The following LRP1B variants were observed in gnomAD, a reference collection of about 807,000 sequenced individuals.
LRP1B encodes the protein low-density lipoprotein receptor-related protein 1B.
Under a neutral mutation model 556.6 loss-of-function variants are expected in LRP1B, and 217 were observed. The observed-to-expected ratio is 0.39, with a 90% CI of 0.35 to 0.44. LRP1B has a LOEUF of 0.44. Among genes scored for constraint, LRP1B ranks in the 20% least tolerant of loss-of-function variants. The pLI is 1.00. For synonymous variants in LRP1B, 2,047 were observed against 1,865.8 expected, an observed-to-expected ratio of 1.10 and a Z score of -2.50; for missense variants, 5,053 against 5,620.8, an observed-to-expected ratio of 0.90 and a Z score of 3.23.
At chr2:140,502,486 T>G (rs1388452746) in intron 54 of LRP1B, among the ~76,000 whole-genome samples, 1 of 151,968 alleles carries the variant, frequency 6.6e-6, no homozygotes, top group Non-Finnish European at 1.5e-5. Context: ...TATTCTGTAA[T>G]ATGTGATTAT....
intron 21 of LRP1B, among the ~76,000 whole-genome samples, chr2:140,918,602 T>G (rs1419206373): frequency 6.6e-6 from 1 of 152,092 alleles, no homozygotes; most frequent in Non-Finnish European, 1.5e-5. Flanking sequence ...AATCAACTGA[T>G]GTCGAAAGAA....
chr2:140,793,266 A>G (rs933180684), intron 32 of LRP1B, among the ~76,000 whole-genome samples: 3 of 151,982 alleles, frequency 2.0e-5, no homozygotes, highest in African/African-American at 7.2e-5. Context: ...TATGACTTCG[A>G]CTTTGATTTT....
chr2:140,851,583 T>A (rs1476040871), intron 28 of LRP1B, 69 bp downstream of exon 28: 1 of 1,547,102 alleles, frequency 6.5e-7, no homozygotes, highest in Non-Finnish European at 8.7e-7. Flanking sequence ...GAGTAAAATC[T>A]GAATGCTAAT....
chr2:141,055,343 A>G (rs1053100072), intron 9 of LRP1B, 84 bp from the exon 10 acceptor site: 17 of 1,468,862 alleles, frequency 1.2e-5, no homozygotes, highest in Admixed American at 6.5e-5. Flanking sequence ...AAATTTCTAT[A>G]GTGTAAAAAC....
intron 1 of LRP1B, among the ~76,000 whole-genome samples, chr2:142,063,974 C>T (rs552931460): frequency 4.0e-5 from 6 of 151,646 alleles, no homozygotes; most frequent in Non-Finnish European, 4.4e-5. Context: ...TACAATGATG[C>T]TTTTTGAGGC....
At chr2:141,851,085 G>C (rs1199098376) in intron 1 of LRP1B, among the ~76,000 whole-genome samples, 1 of 148,232 alleles carries the variant, frequency 6.7e-6, no homozygotes, top group Non-Finnish European at 1.5e-5. Flanking sequence ...TTAACTGGGT[G>C]ACTTGAATTC....
At chr2:140,607,512 C>T (rs758914637) in intron 41 of LRP1B, among the ~76,000 whole-genome samples, 1 of 151,952 alleles carries the variant, frequency 6.6e-6, no homozygotes, top group Non-Finnish European at 1.5e-5. Flanking sequence ...AAAGAAGAAA[C>T]AGCCCAGATG....
At chr2:141,376,374 G>C (rs560537923) in intron 3 of LRP1B, among the ~76,000 whole-genome samples, 1 of 152,154 alleles carries the variant, frequency 6.6e-6, no homozygotes, top group African/African-American at 2.4e-5. Flanking sequence ...CAGGAGGATC[G>C]CCTGACTGTC....
chr2:140,475,102 G>A (rs2105347463), intron 60 of LRP1B, 36 bp downstream of exon 60: 5 of 1,076,006 alleles, frequency 4.6e-6, no homozygotes, highest in Non-Finnish European at 6.4e-6. Flanking sequence ...TTTATGACCT[G>A]GTAAAATACT....
At chr2:140,330,427 C>T (rs911682178) in intron 79 of LRP1B, among the ~76,000 whole-genome samples, 5 of 151,718 alleles carry the variant, frequency 3.3e-5, no homozygotes, top group African/African-American at 9.7e-5. Flanking sequence ...TGCACATTTA[C>T]AACCATCTGA....
intron 84 of LRP1B, among the ~76,000 whole-genome samples, chr2:140,293,820 A>T (rs1053223314): frequency 2.6e-5 from 4 of 152,200 alleles, no homozygotes; most frequent in Non-Finnish European, 4.4e-5. Flanking sequence ...ATCTTGATCA[A>T]CAACTCCTGG....
intron 23 of LRP1B, among the ~76,000 whole-genome samples, chr2:140,891,120 G>C (rs566234599): frequency 6.6e-6 from 1 of 152,180 alleles, no homozygotes; most frequent in Admixed American, 6.5e-5. Flanking sequence ...TAAGAGATGA[G>C]ATATGTACAA....
In LRP1B at chr2:140,487,611, A is replaced by G. The variant is rs1169723099; in HGVS notation, c.9243+6T>C. Reference sequence around the variant, plus strand: ...CAACAATCCCATCATTGTAATATTTAGTTACCTTAATGTCACTTCCATTTA... The same window carrying G: ...CAACAATCCCATCATTGTAATATTTGGTTACCTTAATGTCACTTCCATTTA... On this transcript the variant is annotated splice_donor_region_variant and intron_variant, in intron 58 of 90. Coordinates refer to ENST00000389484, the MANE Select transcript of LRP1B (RefSeq NM_018557.3). 6.2e-7 allele frequency: 1 copy of G among 1,605,632 alleles called. No homozygotes were observed. The highest frequency in any genetic ancestry group is 8.5e-7 in the Non-Finnish European group (1 of 1,174,340).
At chr2:141,730,056 C>T (rs970634672) in intron 2 of LRP1B, among the ~76,000 whole-genome samples, 10 of 152,142 alleles carry the variant, frequency 6.6e-5, no homozygotes, top group African/African-American at 1.9e-4. Context: ...AACTGTCTCA[C>T]GGAACTGTGG....
intron 41 of LRP1B, among the ~76,000 whole-genome samples, chr2:140,636,528 G>A (rs1684076102): frequency 6.6e-6 from 1 of 152,076 alleles, no homozygotes; most frequent in Non-Finnish European, 1.5e-5. Flanking sequence ...AGTCATGGTG[G>A]AAGGTAGTAA....
chr2:140,761,612 G>A (rs1270965259), intron 35 of LRP1B, among the ~76,000 whole-genome samples: 1 of 152,106 alleles, frequency 6.6e-6, no homozygotes, highest in East Asian at 1.9e-4. Flanking sequence ...AGGCCCACAT[G>A]ACAAAGAACT....
At position 140,234,886 on chromosome 2, in the gene LRP1B, T is replaced by A; in HGVS notation, c.13561-2A>T. 1.3e-6 allele frequency: 1 copy of A among 771,476 alleles called. No individual in the cohort carries two copies. Among genetic ancestry groups the A allele is most frequent in the Non-Finnish European group, 2.4e-6 (1 of 413,338 alleles). 47.8% of individuals were successfully genotyped at this position (771,476 alleles called of 1,614,324 possible). ...GGGTCCTCCCCCTATGTACCTGGCC[T>A]GTATATAAACAGAAAATTTTAGTTT... On this transcript the variant is annotated splice_acceptor_variant, in intron 89 of 90. Transcript: ENST00000389484. LOFTEE classifies it high-confidence loss of function.
intron 60 of LRP1B, among the ~76,000 whole-genome samples, chr2:140,460,770 T>C (rs768735625): frequency 6.6e-6 from 1 of 152,192 alleles, no homozygotes; most frequent in Non-Finnish European, 1.5e-5. Context: ...AACAGCATTA[T>C]GTATTGTACT....
chr2:140,508,109 A>G (rs984841249), intron 52 of LRP1B, among the ~76,000 whole-genome samples: 16 of 152,166 alleles, frequency 1.1e-4, no homozygotes, highest in African/African-American at 3.6e-4. Context: ...AACAGCAACA[A>G]TTACAATAAT....
Sources: allele counts gnomAD v4.1 joint callset (sites outside exome capture counted in the v4.1 genomes callset), GRCh38; gene constraint gnomAD v4.1.1; transcripts MANE v1.5; gene names NCBI Gene and HGNC (gene_info 2026-07-23, HGNC 2026-07-21).